Variants in VAPB observed in about 807,000 individuals in gnomAD.
VAPB encodes vesicle-associated membrane protein-associated protein B/C.
Under a neutral mutation model 25.6 loss-of-function variants are expected in VAPB, and 7 were observed. The observed-to-expected ratio is 0.27, with a 90% CI of 0.16 to 0.51. The LOEUF is 0.51. Ranked by LOEUF, VAPB falls within the 20% of genes least tolerant of loss-of-function variation. The pLI, the probability that VAPB is intolerant of heterozygous loss-of-function variation, is 0.97. For missense variants in VAPB, 266 were observed against 301.3 expected, an observed-to-expected ratio of 0.88 and a Z score of 0.87; for synonymous variants, 112 against 109.2, an observed-to-expected ratio of 1.03 and a Z score of -0.16.
intron 1 of VAPB, among the ~76,000 whole-genome samples, chr20:58,399,258 C>T (rs1988038228): frequency 6.6e-6 from 1 of 151,440 alleles, no homozygotes; most frequent in Admixed American, 6.6e-5. Flanking sequence ...CGAGATCGTG[C>T]CATTGTACTC....
rs1427192409 is a variant in VAPB at position 58,450,661 on chromosome 20, C to G, written c.*6426C>G. 1 of 453,794 alleles carries G rather than the reference C, an allele frequency of 2.2e-6. No homozygotes were observed. Among genetic ancestry groups the G allele is most frequent in the Admixed American group, 2.4e-5 (1 of 42,544 alleles). 28.1% of individuals were successfully genotyped at this position (453,794 alleles called of 1,614,324 possible). A position where few individuals can be genotyped will look rare whatever the true frequency, so the allele number is the denominator to read the frequency against. ...TCTCTCCCTATTCTACGTCTTTCTC[C>G]CTATGTTGAAAAAAGATTCCCACAG... On this transcript the variant is annotated 3_prime_UTR_variant, in exon 6 of 6. Coordinates refer to ENST00000475243, the MANE Select transcript of VAPB (RefSeq NM_004738.5).
chr20:58,430,883 T>C (rs1988912778), intron 2 of VAPB: 1 of 152,244 alleles, frequency 6.6e-6, no homozygotes, highest in African/African-American at 2.4e-5. Context: ...GCTGCACATT[T>C]CTTTAGTGTC....
rs1989293330 is a variant in VAPB at position 58,446,391 on chromosome 20, G to A, written c.*2156G>A. 1 of 453,988 alleles carries A rather than the reference G, an allele frequency of 2.2e-6. No homozygotes were observed. The highest frequency in any genetic ancestry group is 4.4e-6 in the Non-Finnish European group (1 of 226,800). The allele number at this position is 453,988 out of a possible 1,614,324, so 28.1% of individuals were successfully genotyped here. A position where few individuals can be genotyped will look rare whatever the true frequency, so the allele number is the denominator to read the frequency against. On this transcript the variant is annotated 3_prime_UTR_variant, in exon 6 of 6. Transcript: ENST00000475243. Reference sequence around the variant, plus strand: ...GAGAGTGCTTAGGTGGTCCCCAACAGTGCCTAGGGGTACAGTACAGTCCCA... The same window carrying A: ...GAGAGTGCTTAGGTGGTCCCCAACAATGCCTAGGGGTACAGTACAGTCCCA...
chr20:58,447,672 ATGTG>A lies in VAPB; in HGVS notation c.*3440_*3443del, dbSNP rs1989328853. 9.1e-6 allele frequency: 4 copies of A among 439,938 alleles called. No individual in the cohort carries two copies. The highest frequency in any genetic ancestry group is 4.0e-5 in the African/African-American group (2 of 49,566). The allele number at this position is 439,938 out of a possible 1,614,324, so 27.3% of individuals were successfully genotyped here. A position where few individuals can be genotyped will look rare whatever the true frequency, so the allele number is the denominator to read the frequency against. On this transcript the variant is annotated 3_prime_UTR_variant, in exon 6 of 6. Transcript: ENST00000475243. Reference sequence around the variant, plus strand: ...ACTCTGTGTGTGTGTGCATGTGTGCATGTGTGCATGTGTGGCATATGTGCCGTAT... The same window carrying A: ...ACTCTGTGTGTGTGTGCATGTGTGCATGCATGTGTGGCATATGTGCCGTAT...
rs1989153719 is a variant in VAPB, at chr20:58,441,204, T to A, written c.573+121T>A. 1.2e-5 allele frequency: 13 copies of A among 1,126,826 alleles called. No individual in the cohort carries two copies. In the Admixed American group the frequency reaches 2.8e-4, roughly 24 times the overall value. 69.8% of individuals were successfully genotyped at this position (1,126,826 alleles called of 1,614,324 possible). ...CTTTTTGCTTTTGGTATTTGGCTAT[T>A]TTTTTCTCCCCAGGGAGAAATTTCC... On this transcript the variant is annotated intron_variant, in intron 5 of 5. Transcript: ENST00000475243.
chr20:58,425,200 AG>A (rs1282464331), intron 2 of VAPB, among the ~76,000 whole-genome samples: 4 of 152,178 alleles, frequency 2.6e-5, no homozygotes. Flanking sequence ...CATATGGTAG[AG>A]GACAGTCTTT....
rs191293820 is a variant in VAPB, at chr20:58,417,831, A to G, written c.59-380A>G. Among the ~76,000 whole-genome samples, 89 of 152,296 alleles carry G rather than the reference A, an allele frequency of 5.8e-4. No individual in the cohort carries two copies. The East Asian group carries it at 0.017, about 29-fold the overall frequency. Reference sequence around the variant, plus strand: ...TGGAAATCAGTATTTAGCATGGGTAAGAACTGGCCTTAGATGCAAGCCATC... The same window carrying G: ...TGGAAATCAGTATTTAGCATGGGTAGGAACTGGCCTTAGATGCAAGCCATC... On this transcript the variant is annotated intron_variant, in intron 1 of 5. Coordinates refer to ENST00000475243, the MANE Select transcript of VAPB (RefSeq NM_004738.5).
intron 1 of VAPB, among the ~76,000 whole-genome samples, chr20:58,411,200 G>C (rs1013255749): frequency 6.6e-6 from 1 of 152,204 alleles, no homozygotes; most frequent in Non-Finnish European, 1.5e-5. Context: ...CTTGGTATTG[G>C]TAGTATTTTA....
Position 58,448,929 on chromosome 20 carries a change from C to T in VAPB, c.*4694C>T. The T allele has an allele frequency of 2.2e-6, 1 of 454,054 alleles. No individual in the cohort carries two copies. Among genetic ancestry groups the T allele is most frequent in the Non-Finnish European group, 4.4e-6 (1 of 226,796 alleles). 28.1% of individuals were successfully genotyped at this position (454,054 alleles called of 1,614,324 possible). On this transcript the variant is annotated 3_prime_UTR_variant, in exon 6 of 6. Coordinates refer to ENST00000475243, the MANE Select transcript of VAPB (RefSeq NM_004738.5). ...CGCTTTATATGGAGGCTTTACATGA[C>T]TTGTAAATTAAATGTGAATGAGGGC...
chr20:58,402,071 T>C (rs1453697963), intron 1 of VAPB, among the ~76,000 whole-genome samples: 2 of 152,228 alleles, frequency 1.3e-5, no homozygotes, highest in Non-Finnish European at 2.9e-5. Context: ...TTTGCAAAGA[T>C]GCAAATCTGA....
rs1045970995 is a variant in VAPB, at chr20:58,449,291, G to C, written c.*5056G>C. On this transcript the variant is annotated 3_prime_UTR_variant, in exon 6 of 6. Coordinates refer to ENST00000475243, the MANE Select transcript of VAPB (RefSeq NM_004738.5). ...TGCCATGTTTTTGGCTGTATCTACGGCACTTAACAATAGGGGCTTTTTATT... is the reference window on the plus strand; with the variant it reads ...TGCCATGTTTTTGGCTGTATCTACGCCACTTAACAATAGGGGCTTTTTATT... 1 of 452,076 alleles carries C rather than the reference G, an allele frequency of 2.2e-6. No homozygotes were observed. Among genetic ancestry groups the C allele is most frequent in the Non-Finnish European group, 4.4e-6 (1 of 226,260 alleles). 28.0% of individuals were successfully genotyped at this position (452,076 alleles called of 1,614,324 possible).
intron 1 of VAPB, among the ~76,000 whole-genome samples, chr20:58,398,786 C>T (rs1234921508): frequency 1.3e-5 from 2 of 151,618 alleles, no homozygotes; most frequent in East Asian, 1.9e-4. Flanking sequence ...GTTATTAACC[C>T]AAGTTATGAA....
intron 4 of VAPB, 198 bp from the exon 5 acceptor site, chr20:58,440,709 C>T: frequency 1.9e-6 from 1 of 517,650 alleles, no homozygotes; most frequent in Non-Finnish European, 3.4e-6. Flanking sequence ...TGCCCTTATC[C>T]ATAATTTCTA....
At position 58,430,545 on chromosome 20, in the gene VAPB, C is replaced by G. The variant is rs949391998; in HGVS notation, c.212-4057C>G. ...AAAGTTCTGGGATTACAGCCATGAG[C>G]TGCTGTGCCTGGCCTGCAAATTTCA... On this transcript the variant is annotated intron_variant, in intron 2 of 5. Coordinates refer to ENST00000475243, the MANE Select transcript of VAPB (RefSeq NM_004738.5). Among the ~76,000 whole-genome samples, 3 of 151,994 alleles carry G rather than the reference C, an allele frequency of 2.0e-5. No individual in the cohort carries two copies. In the South Asian group the frequency reaches 6.2e-4, roughly 32 times the overall value.
At chr20:58,402,289 C>T (rs1310633449) in intron 1 of VAPB, among the ~76,000 whole-genome samples, 2 of 152,176 alleles carry the variant, frequency 1.3e-5, no homozygotes, top group Admixed American at 6.5e-5. Context: ...TACTATGTAT[C>T]ATGACTTACC....
chr20:58,414,268 T>G (rs1167794685), intron 1 of VAPB, among the ~76,000 whole-genome samples: 24 of 92,718 alleles, frequency 2.6e-4, no homozygotes, highest in East Asian at 3.6e-4. Context: ...TGGCGGGGCG[T>G]GGGGCTGACC....
intron 2 of VAPB, among the ~76,000 whole-genome samples, chr20:58,432,911 T>C (rs1380773937): frequency 1.3e-5 from 2 of 152,214 alleles, no homozygotes; most frequent in African/African-American, 2.4e-5. Context: ...CTGACAGTTA[T>C]TGAATTTTGT....
intron 1 of VAPB, among the ~76,000 whole-genome samples, chr20:58,395,547 G>A (rs1293561701): frequency 6.6e-6 from 1 of 152,188 alleles, no homozygotes; most frequent in Non-Finnish European, 1.5e-5. Flanking sequence ...TAGATGACAA[G>A]AAAGATGAAT....
In VAPB at chr20:58,418,136, T is replaced by C. The variant is rs569447822; in HGVS notation, c.59-75T>C. ...ATCTCAAATCTTCCCTTAACTATAT[T>C]TACAGCTCTCTTTTCCACAAACCTT... On this transcript the variant is annotated intron_variant, in intron 1 of 5. Transcript: ENST00000475243. 12 of 1,592,702 alleles carry C rather than the reference T, an allele frequency of 7.5e-6. No individual in the cohort carries two copies. In the African/African-American group the frequency reaches 1.2e-4, roughly 16 times the overall value.
Sources: allele counts gnomAD v4.1 joint callset (sites outside exome capture counted in the v4.1 genomes callset), GRCh38; gene constraint gnomAD v4.1.1; transcripts MANE v1.5; gene names NCBI Gene and HGNC (gene_info 2026-07-23, HGNC 2026-07-21).